RAB38: variants seen among roughly 807,000 people sequenced by gnomAD.
RAB38 encodes the protein RAB38, member RAS oncogene family, also known as ras-related protein Rab-38.
A neutral mutation model predicts 18.4 loss-of-function variants in RAB38; 15 were observed. The observed-to-expected ratio is 0.82, with a 90% CI of 0.55 to 1.26. The LOEUF is 1.26. RAB38 is among the 50% of genes most tolerant of loss of function. RAB38 has a pLI of 0.00. For missense variants in RAB38, 294 were observed against 267.4 expected, an observed-to-expected ratio of 1.10 and a Z score of -0.69; for synonymous variants, 101 against 104.4, an observed-to-expected ratio of 0.97 and a Z score of 0.20.
At chr11:88,129,970 T>C (rs797021418) in intron 2 of RAB38, among the ~76,000 whole-genome samples, 1 of 151,728 alleles carries the variant, frequency 6.6e-6, no homozygotes, top group African/African-American at 2.4e-5. Context: ...GAACCAAGGA[T>C]AGTGTAGGAA....
At chr11:87,811,401 C>A in the RAB38 span, among the ~76,000 whole-genome samples, 1 of 152,184 alleles carries the variant, frequency 6.6e-6, no homozygotes, top group Non-Finnish European at 1.5e-5. Flanking sequence ...AATTGGGGAA[C>A]CACGCTCATG....
chr11:87,826,057 C>T, the RAB38 span, among the ~76,000 whole-genome samples: 1 of 152,004 alleles, frequency 6.6e-6, no homozygotes, highest in Non-Finnish European at 1.5e-5. Context: ...AATGAAGTCT[C>T]TATCCTCCAT....
chr11:87,835,784 AT>A, the RAB38 span, among the ~76,000 whole-genome samples: 1 of 152,138 alleles, frequency 6.6e-6, no homozygotes, highest in Non-Finnish European at 1.5e-5. Flanking sequence ...TTAGACTTCC[AT>A]TTTCTACAAC....
chr11:87,805,623 GCACACACA>G, the RAB38 span, among the ~76,000 whole-genome samples: 1 of 114,390 alleles, frequency 8.7e-6, no homozygotes, highest in Non-Finnish European at 1.9e-5. Flanking sequence ...ACACACACAC[GCACACACA>G]CACACACACA....
the RAB38 span, among the ~76,000 whole-genome samples, chr11:87,896,921 T>C: frequency 2.0e-4 from 30 of 151,634 alleles, no homozygotes; most frequent in Admixed American, 2.0e-3. Context: ...CTATTCTAAT[T>C]TCTTCAGGCA....
At chr11:87,963,845 A>G in the RAB38 span, among the ~76,000 whole-genome samples, 3 of 151,900 alleles carry the variant, frequency 2.0e-5, no homozygotes, top group South Asian at 2.1e-4. Context: ...ACAGGGTTTC[A>G]CCATGTTGGC....
the RAB38 span, among the ~76,000 whole-genome samples, chr11:87,908,089 G>A: frequency 2.6e-5 from 4 of 151,722 alleles, no homozygotes; most frequent in African/African-American, 9.7e-5. Flanking sequence ...TCGGTCATAA[G>A]ACTTAACATA....
the RAB38 span, among the ~76,000 whole-genome samples, chr11:87,812,597 C>T: frequency 0.89 from 134,823 of 152,262 alleles, 59,844 homozygotes; most frequent in East Asian, 0.96. Flanking sequence ...GAGACAAGCA[C>T]GGTCCTGACT....
the RAB38 span, among the ~76,000 whole-genome samples, chr11:88,033,766 C>T: frequency 2.2e-4 from 27 of 122,520 alleles, no homozygotes; most frequent in African/African-American, 7.7e-4. Context: ...CTCGCTCTGT[C>T]GCCCAGGCTG....
At chr11:88,066,358 C>T in the RAB38 span, among the ~76,000 whole-genome samples, 166 of 152,246 alleles carry the variant, frequency 1.1e-3, no homozygotes, top group African/African-American at 3.9e-3. Context: ...GGTCTCATCA[C>T]CCTAGCTAAA....
chr11:87,943,781 A>G, the RAB38 span, among the ~76,000 whole-genome samples: 1 of 152,164 alleles, frequency 6.6e-6, no homozygotes, highest in Non-Finnish European at 1.5e-5. Context: ...AATGTGTCCT[A>G]CATTAAAGGC....
the RAB38 span, among the ~76,000 whole-genome samples, chr11:88,044,672 T>C: frequency 2.0e-5 from 3 of 152,138 alleles, no homozygotes; most frequent in African/African-American, 4.8e-5. Context: ...CTTTTATACA[T>C]TGTTCCCTCT....
chr11:88,138,846 G>C (rs1050954624), intron 2 of RAB38, among the ~76,000 whole-genome samples: 3 of 151,132 alleles, frequency 2.0e-5, no homozygotes, highest in Non-Finnish European at 4.4e-5. Context: ...GCAATGGCGC[G>C]ATCTCGGCTC....
the RAB38 span, among the ~76,000 whole-genome samples, chr11:88,073,974 TAC>T: frequency 1.4e-5 from 2 of 145,832 alleles, no homozygotes; most frequent in African/African-American, 5.1e-5. Context: ...TATTTGACAA[TAC>T]ACAGTCAAAG....
At chr11:88,048,478 G>A in the RAB38 span, among the ~76,000 whole-genome samples, 10 of 152,120 alleles carry the variant, frequency 6.6e-5, 1 homozygote, top group East Asian at 1.9e-3. Context: ...ACCTCACCAA[G>A]CCCAGCCTCC....
chr11:87,970,593 T>A, the RAB38 span, among the ~76,000 whole-genome samples: 2 of 152,086 alleles, frequency 1.3e-5, no homozygotes, highest in Non-Finnish European at 2.9e-5. Context: ...CCTAGAAAAG[T>A]CATTGCTTGT....
intron 2 of RAB38, among the ~76,000 whole-genome samples, chr11:88,137,572 T>A (rs570094444): frequency 6.6e-6 from 1 of 152,082 alleles, no homozygotes; most frequent in Non-Finnish European, 1.5e-5. Context: ...AATCATAAGC[T>A]CATAGACTTA....
chr11:87,854,243 G>A, the RAB38 span, among the ~76,000 whole-genome samples: 1 of 152,230 alleles, frequency 6.6e-6, no homozygotes, highest in Middle Eastern at 3.4e-3. Context: ...GGTAAATGAA[G>A]AATTTCTAGT....
At chr11:88,138,255 T>C (rs1442795315) in intron 2 of RAB38, among the ~76,000 whole-genome samples, 1 of 152,186 alleles carries the variant, frequency 6.6e-6, no homozygotes, top group Non-Finnish European at 1.5e-5. Flanking sequence ...TAATGGAAAT[T>C]TTTTAAAACA....
Sources: gnomAD v4.1 joint callset for allele counts (sites outside exome capture counted in the v4.1 genomes callset) on GRCh38, gnomAD v4.1.1 for gene constraint, MANE v1.5 for transcripts, NCBI Gene and HGNC (gene_info 2026-07-23, HGNC 2026-07-21) for gene names.